Variants in ANO6 observed in about 807,000 individuals in gnomAD.
ANO6 encodes the protein anoctamin-6.
ANO6 carries 106 observed loss-of-function variants against 117.5 expected under a neutral mutation model. The observed-to-expected ratio is 0.90, with a 90% CI of 0.77 to 1.06. The LOEUF is 1.06. Among genes scored for constraint, ANO6 ranks in the 50% least tolerant of loss-of-function variants. ANO6 has a pLI of 0.00. For missense variants in ANO6, 955 were observed against 1,121.1 expected (o/e 0.85, Z 2.12); for synonymous variants, 367 against 385.1 (o/e 0.95, Z 0.55).
At chr12:45,246,383 G>A (rs1947825327) in intron 1 of ANO6, among the ~76,000 whole-genome samples, 1 of 152,046 alleles carries the variant, frequency 6.6e-6, no homozygotes, top group Non-Finnish European at 1.5e-5. Flanking sequence ...TTTTTAACCT[G>A]GGTCAATAGA....
At position 45,253,655 on chromosome 12, in the gene ANO6, G is replaced by C. The variant is rs373668489; in HGVS notation, c.70+37264G>C. Among the ~76,000 whole-genome samples the C allele has an allele frequency of 2.0e-5, 3 of 152,240 alleles. No homozygotes were observed. In the East Asian group the frequency reaches 5.8e-4, roughly 29 times the overall value. ...GTTACATGAATGTGCAGGTTACTTT[G>C]AGTCAGTTATTATTTTGGTTGTAGA... On this transcript the variant is annotated intron_variant, in intron 1 of 19. Transcript: ENST00000320560.
chr12:45,364,468 G>T (rs1267108225), intron 8 of ANO6, among the ~76,000 whole-genome samples: 2 of 152,078 alleles, frequency 1.3e-5, no homozygotes, highest in African/African-American at 4.8e-5. Context: ...ACTAATTTCT[G>T]AGACTGTGTT....
At chr12:45,291,177 G>C (rs1015533269) in intron 1 of ANO6, among the ~76,000 whole-genome samples, 2 of 151,904 alleles carry the variant, frequency 1.3e-5, no homozygotes, top group Non-Finnish European at 2.9e-5. Context: ...CTAAATTCAT[G>C]AAGAAAACAT....
intron 2 of ANO6, among the ~76,000 whole-genome samples, chr12:45,312,261 A>G (rs1175585875): frequency 1.3e-5 from 2 of 152,100 alleles, no homozygotes; most frequent in African/African-American, 4.8e-5. Context: ...AATAATGGCC[A>G]GGAAAGCCAC....
At chr12:45,423,224 TTCATTAACGAGAGCATTA>T (rs2137709715) in intron 19 of ANO6, among the ~76,000 whole-genome samples, 162 bp downstream of exon 19, 1 of 152,342 alleles carries the variant, frequency 6.6e-6, no homozygotes, top group South Asian at 2.1e-4. Context: ...AATACTCAAC[TTCATTAACGAGAGCATTA>T]TCTGCTTTTA....
At chr12:45,253,091 T>C (rs887766574) in intron 1 of ANO6, among the ~76,000 whole-genome samples, 5 of 152,198 alleles carry the variant, frequency 3.3e-5, no homozygotes, top group African/African-American at 1.2e-4. Flanking sequence ...TTTTAAACTG[T>C]CCCCCCTTGT....
At chr12:45,409,531 GTA>G (rs1269050114) in intron 16 of ANO6, 44 bp downstream of exon 16, 1 of 1,595,948 alleles carries the variant, frequency 6.3e-7, no homozygotes, top group Non-Finnish European at 8.5e-7. Context: ...ACATGTTAGA[GTA>G]TGTTGTGGAT....
intron 3 of ANO6, 98 bp from the exon 4 acceptor site, chr12:45,346,924 C>T (rs551220479): frequency 1.8e-5 from 19 of 1,081,738 alleles, no homozygotes; most frequent in South Asian, 6.4e-5. Context: ...TTCAGGTCCA[C>T]GCTAGTTTGA....
intron 7 of ANO6, among the ~76,000 whole-genome samples, chr12:45,351,517 A>C (rs1329832624): frequency 1.3e-5 from 2 of 152,178 alleles, no homozygotes; most frequent in African/African-American, 4.8e-5. Context: ...AATAAACAGA[A>C]TTTCTAATGG....
At chr12:45,408,785 C>T (rs1943011230) in intron 15 of ANO6, among the ~76,000 whole-genome samples, 1 of 152,138 alleles carries the variant, frequency 6.6e-6, no homozygotes, top group African/African-American at 2.4e-5. Context: ...CCATGGAGAC[C>T]TGCTCCTGCC....
At chr12:45,289,456 C>A (rs1197527790) in intron 1 of ANO6, among the ~76,000 whole-genome samples, 1 of 152,060 alleles carries the variant, frequency 6.6e-6, no homozygotes, top group African/African-American at 2.4e-5. Context: ...CCACTGTGCC[C>A]AGCCGGGTGT....
intron 1 of ANO6, chr12:45,228,201 G>T: frequency 2.2e-6 from 1 of 446,108 alleles, no homozygotes; most frequent in Non-Finnish European, 4.5e-6. Flanking sequence ...GCGCAATCAT[G>T]GCTCACTGTA....
rs1459104574 is a variant in ANO6 at position 45,409,461 on chromosome 12, G to A, written c.1985G>A (p.Gly662Glu). The A allele has an allele frequency of 6.2e-7, 1 of 1,613,758 alleles. No individual in the cohort carries two copies. The highest frequency in any genetic ancestry group is 1.3e-5 in the African/African-American group (1 of 74,906). ...CATCTGCAGCCTATGGGCAAACTGG[G>A]ATTATTTTATGAATATCTTGAAATG... Reference protein sequence around the residue: ...DYHLQPMGKLGLFYEYLEMII... With the variant: ...DYHLQPMGKLELFYEYLEMII... The change falls in exon 16 of 20, where the codon GGA (glycine) becomes GAA (glutamate). Residue 662 changes from glycine to glutamate, a missense_variant. Coordinates refer to ENST00000320560, the MANE Select transcript of ANO6 (RefSeq NM_001025356.3).
chr12:45,274,571 C>T (rs570647566), intron 1 of ANO6, among the ~76,000 whole-genome samples: 3 of 152,036 alleles, frequency 2.0e-5, no homozygotes, highest in Non-Finnish European at 4.4e-5. Context: ...ATTCATGCAC[C>T]TCTTGGTCTG....
At chr12:45,228,081 T>G (rs1422607925) in intron 1 of ANO6, 1 of 349,188 alleles carries the variant, frequency 2.9e-6, no homozygotes, top group Non-Finnish European at 5.6e-6. Context: ...GTTCCATCAG[T>G]GGTCCCTGTG....
intron 9 of ANO6, among the ~76,000 whole-genome samples, chr12:45,368,339 T>A (rs1459544120): frequency 6.6e-6 from 1 of 152,226 alleles, no homozygotes; most frequent in Non-Finnish European, 1.5e-5. Flanking sequence ...TTCAATTAAG[T>A]GGAAACCTGA....
chr12:45,259,926 A>G (rs1937967439), intron 1 of ANO6, among the ~76,000 whole-genome samples: 1 of 152,216 alleles, frequency 6.6e-6, no homozygotes, highest in African/African-American at 2.4e-5. Flanking sequence ...AGGTCAGCTC[A>G]TTCATTCCTC....
Position 45,430,420 on chromosome 12 carries a change from C to T in ANO6, c.*1109C>T. 1.0e-6 allele frequency: 1 copy of T among 985,338 alleles called. No individual in the cohort carries two copies. Among genetic ancestry groups the T allele is most frequent in the Non-Finnish European group, 1.2e-6 (1 of 829,934 alleles). The allele number at this position is 985,338 out of a possible 1,614,324, so 61.0% of individuals were successfully genotyped here. A position where few individuals can be genotyped will look rare whatever the true frequency, so the allele number is the denominator to read the frequency against. On this transcript the variant is annotated 3_prime_UTR_variant, in exon 20 of 20. Transcript: ENST00000320560. ...TTGTCAAGGAGTCTGCAGGAATTGG[C>T]TTATTTCTGTATGCCAAAGTGATCA...
intron 1 of ANO6, among the ~76,000 whole-genome samples, chr12:45,281,062 A>G (rs4768599): frequency 0.36 from 55,392 of 151,952 alleles, 12,420 homozygotes; most frequent in Non-Finnish European, 0.51. Flanking sequence ...CAACGTGTGT[A>G]TGTGTATATG....
Sources: gnomAD v4.1 joint callset for allele counts (sites outside exome capture counted in the v4.1 genomes callset) on GRCh38, gnomAD v4.1.1 for gene constraint, MANE v1.5 for transcripts, NCBI Gene and HGNC (gene_info 2026-07-23, HGNC 2026-07-21) for gene names.